KLHL1: variants seen among roughly 807,000 people sequenced by gnomAD.
KLHL1 encodes kelch like family member 1.
KLHL1 carries 47 observed loss-of-function variants against 77.7 expected under a neutral mutation model. That is an observed-to-expected ratio of 0.60 (90% confidence interval 0.48 to 0.77). The LOEUF is 0.77. Among genes scored for constraint, KLHL1 ranks in the 30% least tolerant of loss-of-function variants. The pLI is 0.00. For synonymous variants in KLHL1, 360 were observed against 325.2 expected (o/e 1.11, Z -1.15); for missense variants, 925 against 910.8 (o/e 1.02, Z -0.20).
At chr13:69,770,492 T>C (rs1875512664) in intron 7 of KLHL1, among the ~76,000 whole-genome samples, 1 of 152,186 alleles carries the variant, frequency 6.6e-6, no homozygotes, top group Non-Finnish European at 1.5e-5. Flanking sequence ...ATTAATTTTG[T>C]CTTTATGTAT....
chr13:70,034,786 T>C (rs929586736), intron 1 of KLHL1, among the ~76,000 whole-genome samples: 5 of 152,156 alleles, frequency 3.3e-5, no homozygotes, highest in East Asian at 3.9e-4. Context: ...AACAGCTATG[T>C]AAAGTTTAGA....
chr13:69,939,151 T>A (rs1883271434), intron 4 of KLHL1, among the ~76,000 whole-genome samples: 1 of 151,090 alleles, frequency 6.6e-6, no homozygotes. Flanking sequence ...GCTTTTAGAA[T>A]GATTATTTCT....
At chr13:69,907,248 T>G (rs969321470) in intron 4 of KLHL1, among the ~76,000 whole-genome samples, 1 of 151,980 alleles carries the variant, frequency 6.6e-6, no homozygotes, top group African/African-American at 2.4e-5. Flanking sequence ...TATATCACCA[T>G]TTTAGATGAA....
At chr13:69,921,701 C>T (rs1008025109) in intron 4 of KLHL1, among the ~76,000 whole-genome samples, 23 of 151,958 alleles carry the variant, frequency 1.5e-4, no homozygotes, top group African/African-American at 5.1e-4. Context: ...TCAATCAAAA[C>T]AATATTTTTT....
chr13:69,799,357 G>A (rs1444154044), intron 6 of KLHL1, among the ~76,000 whole-genome samples: 4 of 152,160 alleles, frequency 2.6e-5, no homozygotes, highest in Non-Finnish European at 4.4e-5. Context: ...AGACTTCCGA[G>A]CAAGCAAAGG....
At chr13:69,710,013 T>C (rs1875805905) in intron 9 of KLHL1, among the ~76,000 whole-genome samples, 1 of 151,726 alleles carries the variant, frequency 6.6e-6, no homozygotes, top group African/African-American at 2.4e-5. Context: ...AGAATTATGT[T>C]AAATATTGTC....
At chr13:69,727,604 C>T (rs1873359284) in intron 8 of KLHL1, among the ~76,000 whole-genome samples, 1 of 152,076 alleles carries the variant, frequency 6.6e-6, no homozygotes, top group Non-Finnish European at 1.5e-5. Flanking sequence ...ATTAAAACCA[C>T]TGTATTCTAG....
intron 1 of KLHL1, among the ~76,000 whole-genome samples, chr13:69,977,454 TACTC>T (rs1043439179): frequency 2.0e-5 from 3 of 151,700 alleles, no homozygotes; most frequent in South Asian, 2.1e-4. Flanking sequence ...TAATAGAAAA[TACTC>T]AAACTAAGTT....
intron 9 of KLHL1, among the ~76,000 whole-genome samples, chr13:69,714,245 G>A (rs185868296): frequency 3.6e-4 from 55 of 152,162 alleles, no homozygotes; most frequent in African/African-American, 1.1e-3. Context: ...TTTGACTTAC[G>A]TCATATTTTA....
intron 3 of KLHL1, among the ~76,000 whole-genome samples, chr13:69,941,614 C>A (rs1348854280): frequency 6.6e-6 from 1 of 151,854 alleles, no homozygotes; most frequent in East Asian, 1.9e-4. Context: ...AAGATCAGAG[C>A]AGAACCAAAT....
intron 1 of KLHL1, among the ~76,000 whole-genome samples, chr13:70,065,705 G>A (rs1179996929): frequency 1.3e-5 from 2 of 152,136 alleles, no homozygotes; most frequent in Non-Finnish European, 2.9e-5. Flanking sequence ...GTAAAGAGGA[G>A]TAATGTAAAT....
At chr13:70,101,435 A>C (rs190682909) in intron 1 of KLHL1, among the ~76,000 whole-genome samples, 2 of 151,832 alleles carry the variant, frequency 1.3e-5, no homozygotes, top group Non-Finnish European at 2.9e-5. Flanking sequence ...ATATATATAT[A>C]ATTTTTTTTT....
At chr13:69,994,513 C>G (rs1885102092) in intron 1 of KLHL1, among the ~76,000 whole-genome samples, 1 of 152,076 alleles carries the variant, frequency 6.6e-6, no homozygotes, top group African/African-American at 2.4e-5. Flanking sequence ...TAGGCTTACT[C>G]CTTCTATTTA....
chr13:70,052,132 T>C (rs1377986029), intron 1 of KLHL1, among the ~76,000 whole-genome samples: 1 of 151,888 alleles, frequency 6.6e-6, no homozygotes, highest in Non-Finnish European at 1.5e-5. Context: ...TCCAAACTCC[T>C]GGTAAGCAGC....
intron 6 of KLHL1, among the ~76,000 whole-genome samples, chr13:69,808,482 C>T (rs1267493998): frequency 2.0e-5 from 3 of 151,918 alleles, no homozygotes; most frequent in Admixed American, 6.6e-5. Flanking sequence ...TGAAAGCACC[C>T]AGAAATGAAG....
At chr13:70,073,785 TAAAAAG>T (rs1303450547) in intron 1 of KLHL1, among the ~76,000 whole-genome samples, 3 of 151,166 alleles carry the variant, frequency 2.0e-5, no homozygotes, top group Non-Finnish European at 4.4e-5. Context: ...TCAAAATAAA[TAAAAAG>T]AAAAAGAAAA....
Position 70,086,595 on chromosome 13 carries a change from AAAGAAAGAAAGAAAG to A in KLHL1, c.497+20593_497+20607del, listed in dbSNP as rs1887546344. Among the ~76,000 whole-genome samples, 5 of 34,402 alleles carry A rather than the reference AAAGAAAGAAAGAAAG, an allele frequency of 1.5e-4. 1 individual carries two copies. Among genetic ancestry groups the A allele is most frequent in the African/African-American group, 3.9e-4 (4 of 10,374 alleles). The allele number at this position is 34,402 out of a possible 152,430, so 22.6% of individuals were successfully genotyped here. Reference sequence around the variant, plus strand: ...CTCAAAAAAAAAAAAAAAAAAAAAGAAAGAAAGAAAGAAAGAAAGAAAGAAAGAAAGAAAGAAAAA... The same window carrying A: ...CTCAAAAAAAAAAAAAAAAAAAAAGAAAAGAAAGAAAGAAAGAAAGAAAAA... On this transcript the variant is annotated intron_variant, in intron 1 of 10. Transcript: ENST00000377844.
rs537749187 is a variant in KLHL1, at chr13:70,055,224, T to C, written c.497+51979A>G. Among the ~76,000 whole-genome samples the C allele has an allele frequency of 2.6e-5, 4 of 152,232 alleles. 1 individual carries two copies. The highest frequency in any genetic ancestry group is 9.6e-5 in the African/African-American group (4 of 41,566). On this transcript the variant is annotated intron_variant, in intron 1 of 10. Coordinates refer to ENST00000377844, the MANE Select transcript of KLHL1 (RefSeq NM_020866.3). ...AGCTGCAATACATCCGGCAGCTGAC[T>C]TATCAGTGAGAACCTCACAGTCCAG...
intron 6 of KLHL1, among the ~76,000 whole-genome samples, chr13:69,823,074 G>A (rs998732797): frequency 4.6e-5 from 7 of 152,066 alleles, no homozygotes; most frequent in South Asian, 4.1e-4. Context: ...CCTCACCTCC[G>A]ATGGATAGAG....
Sources: gnomAD v4.1 joint callset for allele counts (sites outside exome capture counted in the v4.1 genomes callset) on GRCh38, gnomAD v4.1.1 for gene constraint, MANE v1.5 for transcripts, NCBI Gene and HGNC (gene_info 2026-07-23, HGNC 2026-07-21) for gene names.